Variants in VRK2 observed in about 807,000 individuals in gnomAD.
The protein encoded by VRK2 is serine/threonine-protein kinase VRK2.
VRK2 carries 60 observed loss-of-function variants against 57.6 expected under a neutral mutation model. The observed-to-expected ratio is 1.04, with a 90% CI of 0.85 to 1.29. The LOEUF (loss-of-function observed/expected upper bound fraction) is 1.29, where lower values mean the gene tolerates loss of function less well. Ranked by LOEUF, VRK2 falls within the 50% of genes most tolerant of loss-of-function variation. VRK2 has a pLI of 0.00. For synonymous variants in VRK2, 231 were observed against 199.2 expected, an observed-to-expected ratio of 1.16 and a Z score of -1.35; for missense variants, 705 against 588.1, an observed-to-expected ratio of 1.20 and a Z score of -2.06.
chr2:57,916,000 C>T (rs1399006410), intron 1 of VRK2, among the ~76,000 whole-genome samples: 1 of 152,086 alleles, frequency 6.6e-6, no homozygotes, highest in Non-Finnish European at 1.5e-5. Flanking sequence ...ATGCCAGTTT[C>T]GTGGAATTGT....
At chr2:58,065,712 TA>T (rs1256891667) in intron 2 of VRK2, among the ~76,000 whole-genome samples, 1 of 152,168 alleles carries the variant, frequency 6.6e-6, no homozygotes. Context: ...ACATTTCTAC[TA>T]TGTAAAGTCA....
At chr2:57,967,826 A>G (rs1254062488) in intron 1 of VRK2, among the ~76,000 whole-genome samples, 1 of 152,158 alleles carries the variant, frequency 6.6e-6, no homozygotes, top group African/African-American at 2.4e-5. Flanking sequence ...ACCAGGAATA[A>G]ATTAAAAGGG....
At chr2:57,999,554 T>C (rs1558533550) in intron 1 of VRK2, among the ~76,000 whole-genome samples, 1 of 152,238 alleles carries the variant, frequency 6.6e-6, no homozygotes, top group East Asian at 1.9e-4. Context: ...TTTAATCAGA[T>C]GGGTGAACTT....
rs397868874 is a variant in VRK2 at position 58,120,184 on chromosome 2, C to CTTTTTTTTTTTTT, written c.544-2905_544-2893dup. Among the ~76,000 whole-genome samples the CTTTTTTTTTTTTT allele has an allele frequency of 2.4e-3, 123 of 51,968 alleles. 12 individuals carry two copies. The highest frequency in any genetic ancestry group is 9.8e-3 in the African/African-American group (94 of 9,634). The allele number at this position is 51,968 out of a possible 152,430, so 34.1% of individuals were successfully genotyped here. ...CTTTTTGTCTATTTTTTTTTCTTTTCTTTTTTTTTTTTTTTTTTTTTTTTG... is the reference window on the plus strand; with the variant it reads ...CTTTTTGTCTATTTTTTTTTCTTTTCTTTTTTTTTTTTTTTTTTTTTTTTTTTTTTTTTTTTTG... On this transcript the variant is annotated intron_variant, in intron 7 of 12. Coordinates refer to ENST00000340157, the MANE Select transcript of VRK2 (RefSeq NM_006296.7).
chr2:58,021,114 C>A (rs1673741898), intron 1 of VRK2, among the ~76,000 whole-genome samples: 2 of 152,128 alleles, frequency 1.3e-5, no homozygotes, highest in Non-Finnish European at 2.9e-5. Flanking sequence ...CTAAACAGCT[C>A]TATTGTGATA....
chr2:58,093,116 A>G (rs1244905165), intron 7 of VRK2, among the ~76,000 whole-genome samples: 11 of 152,354 alleles, frequency 7.2e-5, no homozygotes, highest in South Asian at 6.2e-4. Flanking sequence ...TAGTGCTGCA[A>G]TAAACATACA....
chr2:58,040,921 G>T, intron 3 of VRK2: 2 of 601,632 alleles, frequency 3.3e-6, no homozygotes, highest in Non-Finnish European at 4.2e-6. Flanking sequence ...TGACTTACAT[G>T]ACACACAGGA....
At position 58,036,493 on chromosome 2, in the gene VRK2, C is replaced by T. The variant is rs577585762; in HGVS notation, c.-6+2940C>T. ...AAAGTACCATAGGTCTAAAATAAAG[C>T]ATTAATCTACTCTAACTCTTTCTAT... On this transcript the variant is annotated intron_variant, in intron 3 of 15. Coordinates refer to the VRK2 transcript ENST00000417641. 3.3e-5 allele frequency among the ~76,000 whole-genome samples: 5 copies of T among 152,040 alleles called. No homozygotes were observed. In the South Asian group the frequency reaches 1.0e-3, roughly 32 times the overall value.
chr2:57,923,937 G>T (rs371864853), intron 1 of VRK2, among the ~76,000 whole-genome samples: 1 of 151,686 alleles, frequency 6.6e-6, no homozygotes, highest in African/African-American at 2.4e-5. Context: ...GTTCTTATGC[G>T]TATGGATATC....
chr2:58,113,126 T>C (rs772201826), intron 7 of VRK2, among the ~76,000 whole-genome samples: 2 of 151,958 alleles, frequency 1.3e-5, no homozygotes, highest in African/African-American at 2.4e-5. Flanking sequence ...CTGGCCAACA[T>C]GGTGAAACCC....
chr2:58,079,549 C>G (rs1670569668), intron 2 of VRK2, among the ~76,000 whole-genome samples: 1 of 151,918 alleles, frequency 6.6e-6, no homozygotes, highest in Non-Finnish European at 1.5e-5. Flanking sequence ...GCTGTATCAA[C>G]TCTCTCATTT....
chr2:58,133,935 T>G (rs576331558), intron 9 of VRK2, among the ~76,000 whole-genome samples: 1 of 152,180 alleles, frequency 6.6e-6, no homozygotes, highest in Non-Finnish European at 1.5e-5. Flanking sequence ...ATACATAAAC[T>G]TTGAGTTAAA....
At chr2:58,155,488 T>TGGGAAGTAC (rs142641749) in intron 12 of VRK2, among the ~76,000 whole-genome samples, 5,403 of 152,012 alleles carry the variant, frequency 0.036, 336 homozygotes, top group African/African-American at 0.12. Flanking sequence ...ACAGTTTTGG[T>TGGGAAGTAC]AGTCTCCTGG....
intron 1 of VRK2, among the ~76,000 whole-genome samples, chr2:58,024,252 A>G (rs1296463077): frequency 6.6e-6 from 1 of 152,204 alleles, no homozygotes; most frequent in African/African-American, 2.4e-5. Flanking sequence ...TTTAGGCTGA[A>G]ATTATAGTTT....
At chr2:58,026,917 TG>T (rs772203864) in intron 2 of VRK2, 6 of 151,394 alleles carry the variant, frequency 4.0e-5, no homozygotes, top group Non-Finnish European at 8.8e-5. Context: ...TTTGTAGAGA[TG>T]GGATCTCACT....
chr2:58,001,249 A>G (rs1673080379), intron 1 of VRK2, among the ~76,000 whole-genome samples: 1 of 152,208 alleles, frequency 6.6e-6, no homozygotes, highest in African/African-American at 2.4e-5. Flanking sequence ...AGTGTACCTA[A>G]TCATTCCTCC....
At chr2:58,014,121 T>A (rs983129234) in intron 1 of VRK2, among the ~76,000 whole-genome samples, 1 of 152,218 alleles carries the variant, frequency 6.6e-6, no homozygotes, top group African/African-American at 2.4e-5. Flanking sequence ...TGCTAATTGA[T>A]TCATTTTTAT....
chr2:58,063,241 GT>G (rs780317845), intron 2 of VRK2, among the ~76,000 whole-genome samples: 18,233 of 121,466 alleles, frequency 0.15, 1,452 homozygotes, highest in African/African-American at 0.26. Flanking sequence ...TCACAGTTTT[GT>G]TTTTTTTTTT....
At chr2:58,149,852 A>G (rs996953026) in intron 12 of VRK2, among the ~76,000 whole-genome samples, 4 of 151,702 alleles carry the variant, frequency 2.6e-5, no homozygotes, top group African/African-American at 7.2e-5. Flanking sequence ...TTTCTGGGAT[A>G]AACCTCCAGT....
Sources: allele counts gnomAD v4.1 joint callset (sites outside exome capture counted in the v4.1 genomes callset), GRCh38; gene constraint gnomAD v4.1.1; transcripts MANE v1.5; gene names NCBI Gene and HGNC (gene_info 2026-07-23, HGNC 2026-07-21).